WWP2: variants seen among roughly 807,000 people sequenced by gnomAD.
WWP2 encodes WW domain containing E3 ubiquitin protein ligase 2, also known as NEDD4-like E3 ubiquitin-protein ligase WWP2.
A neutral mutation model predicts 121.0 loss-of-function variants in WWP2; 57 were observed. The ratio of observed to expected loss-of-function variants is 0.47; its 90% CI spans 0.38 to 0.59. WWP2 has a LOEUF of 0.59. Among genes scored for constraint, WWP2 ranks in the 20% least tolerant of loss-of-function variants. WWP2 has a pLI of 0.00. For synonymous variants in WWP2, 449 were observed against 441.3 expected, an observed-to-expected ratio of 1.02 and a Z score of -0.22; for missense variants, 962 against 1,158.9, an observed-to-expected ratio of 0.83 and a Z score of 2.47.
At position 69,925,555 on chromosome 16, in the gene WWP2, T is replaced by C. The variant is rs1597170249; in HGVS notation, c.1234+71T>C. 6.4e-7 allele frequency: 1 copy of C among 1,568,230 alleles called. No homozygotes were observed. Among genetic ancestry groups the C allele is most frequent in the East Asian group, 2.3e-5 (1 of 44,242 alleles). ...CGGTGCTCTGTCCTCTCCTCCCGCG[T>C]GTCTTCCTTCCCTGTTCCTGTCCCT... On this transcript the variant is annotated intron_variant, in intron 11 of 23. Coordinates refer to ENST00000359154, the MANE Select transcript of WWP2 (RefSeq NM_001270454.2). This position sits in a 1 kb window ranked among gnomAD's most constrained non-coding sequence, Gnocchi z 4.0.
At chr16:69,889,286 C>T (rs999154403) in intron 8 of WWP2, among the ~76,000 whole-genome samples, 2 of 152,192 alleles carry the variant, frequency 1.3e-5, no homozygotes, top group African/African-American at 4.8e-5. Context: ...GATCACACCA[C>T]TGTACCCCAG....
chr16:69,797,135 A>G (rs555368121), intron 2 of WWP2, among the ~76,000 whole-genome samples: 4 of 152,228 alleles, frequency 2.6e-5, no homozygotes, highest in African/African-American at 9.6e-5. Context: ...ATACACTAGG[A>G]TGTCTGTCTA....
chr16:69,786,536 C>T (rs112259070), intron 1 of WWP2, among the ~76,000 whole-genome samples: 6 of 150,866 alleles, frequency 4.0e-5, no homozygotes, highest in South Asian at 2.1e-4. Flanking sequence ...CTGCAACCTC[C>T]GCCTCCTGGG....
intron 2 of WWP2, among the ~76,000 whole-genome samples, chr16:69,794,861 G>A (rs2055993924): frequency 6.6e-6 from 1 of 152,200 alleles, no homozygotes; most frequent in Non-Finnish European, 1.5e-5. Flanking sequence ...TAAGGAGATA[G>A]TAGCCACAGG....
chr16:69,840,074 ACTTGGGGTGCATT>A, intron 4 of WWP2, 39 bp from the exon 5 acceptor site: 1 of 1,602,236 alleles, frequency 6.2e-7, no homozygotes, highest in Non-Finnish European at 8.5e-7. Flanking sequence ...GAGAATCTTA[ACTTGGGGTGCATT>A]CTCTTTAGCC....
chr16:69,937,275 C>G lies in WWP2; in HGVS notation c.2238+37C>G. 7 of 1,609,532 alleles carry G rather than the reference C, an allele frequency of 4.3e-6. No homozygotes were observed. The highest frequency in any genetic ancestry group is 5.9e-6 in the Non-Finnish European group (7 of 1,178,110). On this transcript the variant is annotated intron_variant, in intron 20 of 23. Coordinates refer to ENST00000359154, the MANE Select transcript of WWP2 (RefSeq NM_001270454.2). This position sits in a 1 kb window ranked among gnomAD's most constrained non-coding sequence, Gnocchi z 6.6. ...AGGTTGCTGGGACCCTGAGCCCCTG[C>G]CTCTGGGGCGATCCTGCTCTGTGAT...
intron 4 of WWP2, among the ~76,000 whole-genome samples, chr16:69,825,602 A>G (rs1329327963): frequency 6.7e-6 from 1 of 150,220 alleles, no homozygotes; most frequent in Non-Finnish European, 1.5e-5. Context: ...AGACGATATG[A>G]TATAGCAGAA....
At chr16:69,808,260 G>T (rs2056321002) in intron 4 of WWP2, among the ~76,000 whole-genome samples, 1 of 149,992 alleles carries the variant, frequency 6.7e-6, no homozygotes. Flanking sequence ...TTTTTTGCAT[G>T]TGTCAATAGT....
intron 6 of WWP2, among the ~76,000 whole-genome samples, chr16:69,870,408 C>T (rs1597085697): frequency 6.6e-6 from 1 of 151,486 alleles, no homozygotes; most frequent in East Asian, 2.0e-4. Flanking sequence ...TCAAATGATC[C>T]TCCTACTTCA....
At position 69,805,143 on chromosome 16, in the gene WWP2, G is replaced by A. The variant is rs369952941; in HGVS notation, c.340+5848G>A. Among the ~76,000 whole-genome samples, 18 of 151,834 alleles carry A rather than the reference G, an allele frequency of 1.2e-4. 2 individuals carry two copies. The highest frequency in any genetic ancestry group is 3.9e-4 in the East Asian group (2 of 5,138). On this transcript the variant is annotated intron_variant, in intron 4 of 23. Coordinates refer to ENST00000359154, the MANE Select transcript of WWP2 (RefSeq NM_001270454.2). ...CAATCTCCACCTCCTGGGTTCAAGCGATTCTCGTGCCTCAGACTACTGAGT... is the reference window on the plus strand; with the variant it reads ...CAATCTCCACCTCCTGGGTTCAAGCAATTCTCGTGCCTCAGACTACTGAGT...
rs1012798264 is a variant in WWP2, at chr16:69,937,809, C to T, written c.2343+157C>T. On this transcript the variant is annotated intron_variant, in intron 21 of 23. Transcript: ENST00000359154. The surrounding 1 kb of genome is among the most constrained non-coding windows in gnomAD (Gnocchi z 6.6). ...GACGATAGACCAGCCTTGGGATGAACGGGGACAGTTCCAGCTGAGTGGTGG... is the reference window on the plus strand; with the variant it reads ...GACGATAGACCAGCCTTGGGATGAATGGGGACAGTTCCAGCTGAGTGGTGG... 2.6e-5 allele frequency among the ~76,000 whole-genome samples: 4 copies of T among 152,186 alleles called. No individual in the cohort carries two copies. Among genetic ancestry groups the T allele is most frequent in the Non-Finnish European group, 5.9e-5 (4 of 68,036 alleles).
chr16:69,913,394 T>G (rs56055115), intron 9 of WWP2, among the ~76,000 whole-genome samples: 27,486 of 151,608 alleles, frequency 0.18, 4,068 homozygotes, highest in African/African-American at 0.4. Context: ...CCCAGCTACT[T>G]GGGAGGCTGA....
At chr16:69,810,306 TC>T (rs61224211) in intron 4 of WWP2, among the ~76,000 whole-genome samples, 129,149 of 152,160 alleles carry the variant, frequency 0.85, 55,108 homozygotes, top group Admixed American at 0.91. Context: ...GAGGGGACAT[TC>T]GCCCTGGCCA....
At chr16:69,880,507 A>G (rs946217430) in intron 7 of WWP2, among the ~76,000 whole-genome samples, 3 of 152,192 alleles carry the variant, frequency 2.0e-5, no homozygotes, top group Admixed American at 1.3e-4. Context: ...GTAAGTAGGA[A>G]CTGTGTTCAT....
chr16:69,936,409 G>A lies in WWP2; in HGVS notation c.2074G>A (p.Glu692Lys), dbSNP rs182111599. ...GACCCACGAGCTGAAGGAGGGCGGC[G>A]AGAGCATCCGGGTCACAGAGGAGAA... ...VTTHELKEGGESIRVTEENKE... is the reference protein window; with the variant it reads ...VTTHELKEGGKSIRVTEENKE... Residue 692 changes from glutamate to lysine, a missense_variant, in exon 19 of 24, where the codon GAG (glutamate) becomes AAG (lysine). Physicochemically the swap from Glu to Lys is moderately conservative, Grantham distance 56 (BLOSUM62 1). Transcript: ENST00000359154. 2.6e-5 allele frequency: 42 copies of A among 1,614,088 alleles called. No individual in the cohort carries two copies. In the Admixed American group the frequency reaches 3.3e-4, roughly 13 times the overall value.
intron 6 of WWP2, among the ~76,000 whole-genome samples, chr16:69,864,174 C>A (rs1445595377): frequency 6.6e-6 from 1 of 152,098 alleles, no homozygotes; most frequent in Non-Finnish European, 1.5e-5. Flanking sequence ...TCGATATCAG[C>A]CTGGGCAACA....
chr16:69,931,142 C>T lies in WWP2; in HGVS notation c.1446-10C>T, dbSNP rs775056359. 3.1e-6 allele frequency: 5 copies of T among 1,613,422 alleles called. No individual in the cohort carries two copies. The African/African-American group carries it at 6.7e-5, about 22-fold the overall frequency. On this transcript the variant is annotated splice_polypyrimidine_tract_variant and intron_variant, in intron 13 of 23. Coordinates refer to ENST00000359154, the MANE Select transcript of WWP2 (RefSeq NM_001270454.2). Reference sequence around the variant, plus strand: ...TCGCATGAACCCCTGAACATCTTTGCTCTTCCTAGGACGAAGCAAGGTTCC... The same window carrying T: ...TCGCATGAACCCCTGAACATCTTTGTTCTTCCTAGGACGAAGCAAGGTTCC...
At position 69,925,238 on chromosome 16, in the gene WWP2, T is replaced by A. The variant is rs2058622977; in HGVS notation, c.1180-192T>A. On this transcript the variant is annotated intron_variant, in intron 10 of 23. Coordinates refer to ENST00000359154, the MANE Select transcript of WWP2 (RefSeq NM_001270454.2). The surrounding 1 kb of genome is among the most constrained non-coding windows in gnomAD (Gnocchi z 4.0). ...CGTGCGCAGGGTTCTTTTTTGGTTT[T>A]TCTGTAAAAATCAAAACAAAAAACA... The A allele has an allele frequency of 6.9e-7, 1 of 1,440,474 alleles. No individual in the cohort carries two copies. Among genetic ancestry groups the A allele is most frequent in the African/African-American group, 1.4e-5 (1 of 70,420 alleles). 89.2% of individuals were successfully genotyped at this position (1,440,474 alleles called of 1,614,324 possible).
At chr16:69,792,677 C>T (rs771381011) in intron 2 of WWP2, among the ~76,000 whole-genome samples, 9 of 152,262 alleles carry the variant, frequency 5.9e-5, no homozygotes, top group Admixed American at 3.3e-4. Flanking sequence ...AAGAGGTACA[C>T]GACATAACTT....
Sources: allele counts gnomAD v4.1 joint callset (sites outside exome capture counted in the v4.1 genomes callset), GRCh38; gene constraint gnomAD v4.1.1; non-coding constraint Gnocchi (gnomAD v3.1); transcripts MANE v1.5; gene names NCBI Gene and HGNC (gene_info 2026-07-23, HGNC 2026-07-21).